Variants in ARFIP1 observed in about 807,000 individuals in gnomAD.
The protein encoded by ARFIP1 is arfaptin-1.
In ARFIP1, 24 loss-of-function variants were observed where a neutral mutation model predicts 42.5. The ratio of observed to expected loss-of-function variants is 0.57; its 90% CI spans 0.41 to 0.80. ARFIP1 has a LOEUF of 0.80. Among genes scored for constraint, ARFIP1 ranks in the 30% least tolerant of loss-of-function variants. The pLI is 0.00. For synonymous variants in ARFIP1, 141 were observed against 153.7 expected, an observed-to-expected ratio of 0.92 and a Z score of 0.61; for missense variants, 354 against 434.0, an observed-to-expected ratio of 0.82 and a Z score of 1.64.
chr4:152,792,480 C>A (rs1401490368), intron 1 of ARFIP1, among the ~76,000 whole-genome samples: 1 of 152,148 alleles, frequency 6.6e-6, no homozygotes, highest in African/African-American at 2.4e-5. Flanking sequence ...TATCTGCCCT[C>A]CTGTGTCTTG....
chr4:152,789,968 A>G (rs922399399), intron 1 of ARFIP1, among the ~76,000 whole-genome samples: 4 of 152,210 alleles, frequency 2.6e-5, no homozygotes, highest in African/African-American at 7.2e-5. Context: ...ATTGGAGAAT[A>G]GTATTAGAAA....
intron 7 of ARFIP1, among the ~76,000 whole-genome samples, chr4:152,884,149 A>G (rs981183684): frequency 1.3e-5 from 2 of 151,976 alleles, no homozygotes; most frequent in Admixed American, 6.6e-5. Context: ...TCCATTTAGT[A>G]TTAAAGTATG....
intron 8 of ARFIP1, among the ~76,000 whole-genome samples, chr4:152,895,352 A>T (rs1737219442): frequency 6.6e-6 from 1 of 152,116 alleles, no homozygotes; most frequent in Non-Finnish European, 1.5e-5. Context: ...TTATTCCTTT[A>T]TTCAGCAAAT....
chr4:152,877,294 C>A (rs887052600), intron 5 of ARFIP1, among the ~76,000 whole-genome samples: 1 of 152,150 alleles, frequency 6.6e-6, no homozygotes, highest in Non-Finnish European at 1.5e-5. Flanking sequence ...TGGGAACCCA[C>A]CTCCTGCATC....
chr4:152,881,864 A>C (rs1380904046), intron 6 of ARFIP1, among the ~76,000 whole-genome samples: 1 of 152,222 alleles, frequency 6.6e-6, no homozygotes, highest in Non-Finnish European at 1.5e-5. Context: ...TTGCAATAGC[A>C]TTAAATTTGT....
At chr4:152,880,911 T>C in intron 5 of ARFIP1, 52 bp from the exon 6 acceptor site, 1 of 1,445,342 alleles carries the variant, frequency 6.9e-7, no homozygotes, top group East Asian at 2.3e-5. Flanking sequence ...CTCTAGCATT[T>C]ATATTTTGTT....
intron 2 of ARFIP1, among the ~76,000 whole-genome samples, chr4:152,841,920 T>C (rs760382754): frequency 1.3e-5 from 2 of 152,128 alleles, no homozygotes; most frequent in Non-Finnish European, 2.9e-5. Context: ...CAACCCCTAC[T>C]ACACCCCAAT....
intron 7 of ARFIP1, 128 bp downstream of exon 7, chr4:152,883,008 A>G: frequency 1.0e-6 from 1 of 962,000 alleles, no homozygotes; most frequent in Non-Finnish European, 1.5e-6. Context: ...CTGGAAAGTT[A>G]TAGGATGCCT....
At chr4:152,825,502 A>T (rs1379179372) in intron 1 of ARFIP1, among the ~76,000 whole-genome samples, 1 of 152,230 alleles carries the variant, frequency 6.6e-6, no homozygotes, top group African/African-American at 2.4e-5. Flanking sequence ...ATGTAGAAGA[A>T]TGAAACTGGA....
chr4:152,875,720 T>TA (rs1735276104), intron 5 of ARFIP1, among the ~76,000 whole-genome samples: 1 of 152,016 alleles, frequency 6.6e-6, no homozygotes, highest in Non-Finnish European at 1.5e-5. Flanking sequence ...TATTCTTTTT[T>TA]TTTTTTTTGG....
At chr4:152,826,716 C>T (rs1375602490) in intron 1 of ARFIP1, among the ~76,000 whole-genome samples, 1 of 152,120 alleles carries the variant, frequency 6.6e-6, no homozygotes, top group African/African-American at 2.4e-5. Context: ...CAGGATCTTG[C>T]AGGATCTTGC....
chr4:152,860,086 CAGAAG>C (rs1733764856), intron 2 of ARFIP1, among the ~76,000 whole-genome samples: 1 of 151,996 alleles, frequency 6.6e-6, no homozygotes, highest in Non-Finnish European at 1.5e-5. Context: ...TTCTAGTCTC[CAGAAG>C]AGTTCTATTT....
chr4:152,825,314 A>G (rs571260623), intron 1 of ARFIP1, among the ~76,000 whole-genome samples: 4 of 152,212 alleles, frequency 2.6e-5, no homozygotes, highest in East Asian at 3.8e-4. Flanking sequence ...CTATAAGGCT[A>G]TAGTAAACCA....
chr4:152,844,913 C>CCT lies in ARFIP1; in HGVS notation c.93+15188_93+15189dup, dbSNP rs531424629. 1.4e-3 allele frequency among the ~76,000 whole-genome samples: 220 copies of CCT among 152,112 alleles called. 1 individual carries two copies. The highest frequency in any genetic ancestry group is 3.4e-3 in the Middle Eastern group (1 of 294). ...AAAGAGTCCAAATAGCCAAAGGAAT[C>CCT]CTAAGCAAAAAGAACAAGGCTGGAG... On this transcript the variant is annotated intron_variant, in intron 2 of 8. Transcript: ENST00000353617.
At chr4:152,792,093 A>C (rs1324550637) in intron 1 of ARFIP1, among the ~76,000 whole-genome samples, 2 of 152,184 alleles carry the variant, frequency 1.3e-5, no homozygotes, top group Admixed American at 1.3e-4. Context: ...TGATCTCTGG[A>C]ATATCAAGTC....
chr4:152,875,899 A>G (rs1351236518), intron 5 of ARFIP1, among the ~76,000 whole-genome samples: 1 of 152,030 alleles, frequency 6.6e-6, no homozygotes, highest in Non-Finnish European at 1.5e-5. Context: ...GTGATAGTGA[A>G]TAAGTCTCAC....
chr4:152,806,879 C>T (rs1382971059), intron 1 of ARFIP1, among the ~76,000 whole-genome samples: 2 of 151,142 alleles, frequency 1.3e-5, no homozygotes, highest in Non-Finnish European at 2.9e-5. Flanking sequence ...CACTCTGACA[C>T]CCATGCTGGA....
chr4:152,865,394 C>G (rs1734245464), intron 3 of ARFIP1, among the ~76,000 whole-genome samples: 1 of 152,174 alleles, frequency 6.6e-6, no homozygotes, highest in Non-Finnish European at 1.5e-5. Context: ...GCCTGGGCCT[C>G]CCAAAGTGCT....
intron 8 of ARFIP1, among the ~76,000 whole-genome samples, chr4:152,903,230 T>C (rs913699123): frequency 3.9e-5 from 6 of 152,222 alleles, no homozygotes; most frequent in African/African-American, 1.4e-4. Flanking sequence ...TGAAAAAGAA[T>C]GTTCATATTG....
Sources: gnomAD v4.1 joint callset for allele counts (sites outside exome capture counted in the v4.1 genomes callset) on GRCh38, gnomAD v4.1.1 for gene constraint, MANE v1.5 for transcripts, NCBI Gene and HGNC (gene_info 2026-07-23, HGNC 2026-07-21) for gene names.